Variants in KIR3DL2 observed in about 807,000 individuals in gnomAD.
KIR3DL2 encodes the protein killer cell immunoglobulin-like receptor 3DL2.
Under a neutral mutation model 41.6 loss-of-function variants are expected in KIR3DL2, and 42 were observed. That is an observed-to-expected ratio of 1.01 (90% CI 0.79 to 1.31). The LOEUF (loss-of-function observed/expected upper bound fraction) is 1.31, where lower values mean the gene tolerates loss of function less well. KIR3DL2 is among the 50% of genes most tolerant of loss of function. The probability of loss-of-function intolerance (pLI) is 0.00; values close to 1 mark genes in which losing one functional copy is unlikely to be tolerated. For missense variants in KIR3DL2, 728 were observed against 576.8 expected, an observed-to-expected ratio of 1.26 and a Z score of -2.68; for synonymous variants, 230 against 221.3, an observed-to-expected ratio of 1.04 and a Z score of -0.35.
At chr19:54,855,569 G>A in intron 4 of KIR3DL2, 50 bp from the exon 5 acceptor site, 1 of 1,598,124 alleles carries the variant, frequency 6.3e-7, no homozygotes, top group South Asian at 1.1e-5. Flanking sequence ...TATGAGGGGA[G>A]CTGTGACAAG....
At chr19:54,855,374 A>G (rs1464617274) in intron 4 of KIR3DL2, among the ~76,000 whole-genome samples, 1 of 151,672 alleles carries the variant, frequency 6.6e-6, no homozygotes, top group Non-Finnish European at 1.5e-5. Context: ...CAATCCAAGG[A>G]GAGTCAGAGA....
At chr19:54,854,077 C>T in intron 4 of KIR3DL2, 31 bp downstream of exon 4, 2 of 1,608,514 alleles carry the variant, frequency 1.2e-6, no homozygotes, top group Non-Finnish European at 1.7e-6. Context: ...TTCTCATTGT[C>T]ATTGGGACAC....
intron 4 of KIR3DL2, among the ~76,000 whole-genome samples, 161 bp downstream of exon 4, chr19:54,854,207 A>T (rs1470885428): frequency 2.0e-5 from 3 of 151,692 alleles, no homozygotes; most frequent in Non-Finnish European, 2.9e-5. Flanking sequence ...GAAACAGGAG[A>T]CATAAGTACA....
At chr19:54,851,795 T>A (rs1377026989) in intron 2 of KIR3DL2, among the ~76,000 whole-genome samples, 1 of 151,872 alleles carries the variant, frequency 6.6e-6, no homozygotes, top group Non-Finnish European at 1.5e-5. Context: ...AAGAGTCACT[T>A]ATTCAGCACT....
intron 6 of KIR3DL2, among the ~76,000 whole-genome samples, chr19:54,864,438 T>TA (rs2145724469): frequency 6.6e-6 from 1 of 152,246 alleles, no homozygotes; most frequent in Admixed American, 6.5e-5. Context: ...ATCTATAAAT[T>TA]ACCTTGGGCA....
chr19:54,862,978 T>C (rs1006161345), intron 6 of KIR3DL2, among the ~76,000 whole-genome samples: 4 of 146,506 alleles, frequency 2.7e-5, no homozygotes, highest in Non-Finnish European at 6.0e-5. Context: ...TAGCATTAGG[T>C]ATATCTCCTA....
intron 6 of KIR3DL2, among the ~76,000 whole-genome samples, chr19:54,865,540 T>A (rs2065444211): frequency 6.6e-6 from 1 of 152,040 alleles, no homozygotes; most frequent in Admixed American, 6.6e-5. Context: ...GGCCCAAACT[T>A]CCACACTGGG....
intron 5 of KIR3DL2, among the ~76,000 whole-genome samples, chr19:54,857,115 G>A (rs2064846812): frequency 6.6e-6 from 1 of 150,420 alleles, no homozygotes. Context: ...TTGAGAAAGA[G>A]TTTCCCTCCT....
At chr19:54,850,668 G>C (rs55661544) in intron 1 of KIR3DL2, among the ~76,000 whole-genome samples, 159 bp downstream of exon 1, 32,125 of 133,854 alleles carry the variant, frequency 0.24, 4,152 homozygotes, top group East Asian at 0.46. Flanking sequence ...GCCTGGAGTG[G>C]AGATATGGGC....
In KIR3DL2 at chr19:54,855,728, G is replaced by C; in HGVS notation, c.765G>C (p.Leu255=). 6.2e-7 allele frequency: 1 copy of C among 1,613,090 alleles called. No individual in the cohort carries two copies. Among genetic ancestry groups the C allele is most frequent in the Non-Finnish European group, 8.5e-7 (1 of 1,179,704 alleles). The part of the protein sequence containing the change: ...SSWSSYDIYH[L]SREGEAHERR... ...GGAGCTCCTATGACATCTACCATCT[G>C]TCCAGGGAAGGGGAGGCCCATGAAC... is the stretch of plus-strand genomic sequence containing the variant. The change falls in exon 5 of 9, where the codon CTG becomes CTC. Residue 255 remains leucine, a synonymous_variant. Coordinates refer to ENST00000326321, the MANE Select transcript of KIR3DL2 (RefSeq NM_006737.4).
chr19:54,866,383 G>A lies in KIR3DL2; in HGVS notation c.1119G>A (p.Met373Ile), dbSNP rs138770759. 122 of 1,613,962 alleles carry A rather than the reference G, an allele frequency of 7.6e-5. No homozygotes were observed. The African/African-American group carries it at 1.5e-3, about 19-fold the overall frequency. ...WCSNKKNAAVMDQEPAGDRTV... is the reference protein window; with the variant it reads ...WCSNKKNAAVIDQEPAGDRTV... ...CGTCTCCTACAGATGCTGCTGTAAT[G>A]GACCAAGAGCCTGCGGGGGACAGAA... The change falls in exon 8 of 9, where the codon ATG becomes ATA. Residue 373 changes from methionine to isoleucine, a missense_variant. Met to Ile is a conservative substitution (Grantham distance 10). Coordinates refer to ENST00000326321, the MANE Select transcript of KIR3DL2 (RefSeq NM_006737.4).
At chr19:54,854,475 A>G (rs1172018269) in intron 4 of KIR3DL2, among the ~76,000 whole-genome samples, 1 of 151,834 alleles carries the variant, frequency 6.6e-6, no homozygotes, top group Admixed American at 6.5e-5. Context: ...GCCTTGTGGC[A>G]TCTACAGATG....
chr19:54,860,084 T>G (rs1169547270), intron 6 of KIR3DL2, among the ~76,000 whole-genome samples: 4 of 152,112 alleles, frequency 2.6e-5, no homozygotes, highest in Non-Finnish European at 5.9e-5. Context: ...ACCCTCCTTT[T>G]AAGTTCAGCT....
intron 6 of KIR3DL2, 32 bp from the exon 7 acceptor site, chr19:54,865,773 T>G (rs773160511): frequency 1.2e-5 from 19 of 1,541,290 alleles, no homozygotes; most frequent in Non-Finnish European, 1.7e-5. Context: ...CTGCTATGAT[T>G]AGCTTCTTAT....
chr19:54,861,007 C>T (rs1569525258), intron 6 of KIR3DL2, among the ~76,000 whole-genome samples: 2 of 138,066 alleles, frequency 1.4e-5, no homozygotes, highest in South Asian at 2.3e-4. Context: ...GGATTCACCT[C>T]GAGGTAACCA....
At position 54,855,632 on chromosome 19, in the gene KIR3DL2, A is replaced by G. The variant is rs1449475971; in HGVS notation, c.669A>G (p.Lys223=). The G allele has an allele frequency of 8.1e-6, 13 of 1,612,728 alleles. No individual in the cohort carries two copies. Among genetic ancestry groups the G allele is most frequent in the East Asian group, 2.2e-5 (1 of 44,884 alleles). ...LDIVITGLYE[K]PSLSAQPGPT... is the part of the protein sequence containing the mutation. ...TTCTCCTTCCAGGTCTATATGAGAA[A>G]CCTTCTCTCTCAGCCCAGCCGGGCC... The change falls in exon 5 of 9, where the codon AAA becomes AAG. Residue 223 remains lysine (K), a synonymous_variant. Transcript: ENST00000326321.
intron 6 of KIR3DL2, among the ~76,000 whole-genome samples, chr19:54,859,836 C>G (rs1246688723): frequency 2.0e-5 from 3 of 152,106 alleles, no homozygotes; most frequent in Non-Finnish European, 4.4e-5. Context: ...ATCTGCTTCT[C>G]ACTTTTCTCA....
chr19:54,865,416 T>G (rs2065434448), intron 6 of KIR3DL2, among the ~76,000 whole-genome samples: 1 of 151,900 alleles, frequency 6.6e-6, no homozygotes, highest in Non-Finnish European at 1.5e-5. Flanking sequence ...AAGCTCTTTT[T>G]AACAACCAGC....
At chr19:54,865,528 T>C (rs1255544852) in intron 6 of KIR3DL2, among the ~76,000 whole-genome samples, 2 of 152,102 alleles carry the variant, frequency 1.3e-5, no homozygotes, top group African/African-American at 4.8e-5. Context: ...CACCTTCCCA[T>C]AGGCCCAAAC....
Sources: gnomAD v4.1 joint callset for allele counts (sites outside exome capture counted in the v4.1 genomes callset) on GRCh38, gnomAD v4.1.1 for gene constraint, MANE v1.5 for transcripts, NCBI Gene and HGNC (gene_info 2026-07-23, HGNC 2026-07-21) for gene names.